PRKN: variants seen among roughly 807,000 people sequenced by gnomAD.
PRKN encodes E3 ubiquitin-protein ligase parkin.
A neutral mutation model predicts 59.5 loss-of-function variants in PRKN; 56 were observed. The observed-to-expected ratio is 0.94, with a 90% confidence interval of 0.76 to 1.18. The LOEUF (loss-of-function observed/expected upper bound fraction) is 1.18, where lower values mean the gene tolerates loss of function less well. Ranked by LOEUF, PRKN falls within the 50% of genes most tolerant of loss-of-function variation. The pLI, the probability that PRKN is intolerant of heterozygous loss-of-function variation, is 0.00. For synonymous variants in PRKN, 250 were observed against 222.1 expected (o/e 1.13, Z -1.12); for missense variants, 657 against 596.4 (o/e 1.10, Z -1.06).
At chr6:162,199,424 C>T (rs1315259490) in intron 4 of PRKN, among the ~76,000 whole-genome samples, 2 of 152,142 alleles carry the variant, frequency 1.3e-5, no homozygotes, top group Non-Finnish European at 1.5e-5. Flanking sequence ...CAGATAATGC[C>T]TGAAAAGAAT....
intron 1 of PRKN, among the ~76,000 whole-genome samples, chr6:162,582,985 T>C (rs1201154871): frequency 6.6e-6 from 1 of 152,178 alleles, no homozygotes; most frequent in African/African-American, 2.4e-5. Context: ...GTAGGACTTT[T>C]AGGAGGAGAT....
rs1475980782 is a variant in PRKN at position 161,554,854 on chromosome 6, A to G, written c.934-5851T>C. On this transcript the variant is annotated intron_variant, in intron 8 of 11. Coordinates refer to ENST00000366898, the MANE Select transcript of PRKN (RefSeq NM_004562.3). This position sits in a 1 kb window ranked among gnomAD's most constrained non-coding sequence, Gnocchi z 4.5. Reference sequence around the variant, plus strand: ...AATATTATGGATAAGCCTGAAAATAATGTTTTTTTCCTTTGTAAATTAATT... The same window carrying G: ...AATATTATGGATAAGCCTGAAAATAGTGTTTTTTTCCTTTGTAAATTAATT... 2.0e-5 allele frequency among the ~76,000 whole-genome samples: 3 copies of G among 151,730 alleles called. No individual in the cohort carries two copies. Among genetic ancestry groups the G allele is most frequent in the Non-Finnish European group, 4.4e-5 (3 of 67,952 alleles).
intron 1 of PRKN, among the ~76,000 whole-genome samples, chr6:162,525,182 G>T (rs1432425267): frequency 6.6e-6 from 1 of 152,046 alleles, no homozygotes; most frequent in African/African-American, 2.4e-5. Flanking sequence ...CTAGCTCTGT[G>T]ACCCTGAGGA....
intron 7 of PRKN, among the ~76,000 whole-genome samples, chr6:161,630,597 C>T (rs906738717): frequency 1.3e-5 from 2 of 152,132 alleles, no homozygotes; most frequent in African/African-American, 4.8e-5. Context: ...CAGTGTGTTG[C>T]CATTTACCAG....
chr6:161,487,495 C>T lies in PRKN; in HGVS notation c.1083+61359G>A, dbSNP rs1174459779. On this transcript the variant is annotated intron_variant, in intron 9 of 11. Coordinates refer to ENST00000366898, the MANE Select transcript of PRKN (RefSeq NM_004562.3). This position sits in a 1 kb window ranked among gnomAD's most constrained non-coding sequence, Gnocchi z 5.3. ...GTTAGTTTGGGTAAAGCTTGAAAAG[C>T]CAGAAAAAGGATTTTAGCCCATGTT... 6.6e-6 allele frequency among the ~76,000 whole-genome samples: 1 copy of T among 152,080 alleles called. No individual in the cohort carries two copies. The highest frequency in any genetic ancestry group is 1.5e-5 in the Non-Finnish European group (1 of 67,998).
At chr6:161,925,865 T>C (rs908170196) in intron 6 of PRKN, among the ~76,000 whole-genome samples, 3 of 152,210 alleles carry the variant, frequency 2.0e-5, no homozygotes, top group African/African-American at 7.2e-5. Flanking sequence ...GGGCAGCTAC[T>C]ATGCTTTACT....
chr6:162,594,223 A>G (rs1430172093), intron 1 of PRKN, among the ~76,000 whole-genome samples: 1 of 152,162 alleles, frequency 6.6e-6, no homozygotes, highest in Non-Finnish European at 1.5e-5. Flanking sequence ...TCATGAAACA[A>G]TTCTGAGAAA....
chr6:162,382,555 C>A (rs6912641), intron 2 of PRKN, among the ~76,000 whole-genome samples: 36,857 of 152,100 alleles, frequency 0.24, 4,503 homozygotes, highest in African/African-American at 0.26. Context: ...AAAATGCTAA[C>A]AATTACCCGA....
chr6:162,338,762 G>C (rs1051899159), intron 2 of PRKN, among the ~76,000 whole-genome samples: 3 of 151,742 alleles, frequency 2.0e-5, no homozygotes, highest in Non-Finnish European at 4.4e-5. Flanking sequence ...AGTCTGGAAA[G>C]TGAGGAGCGT....
intron 5 of PRKN, among the ~76,000 whole-genome samples, chr6:161,974,312 T>C (rs1442258697): frequency 6.6e-6 from 1 of 152,126 alleles, no homozygotes; most frequent in Non-Finnish European, 1.5e-5. Flanking sequence ...CTTTTCTGCC[T>C]GGCATCAACA....
At chr6:161,790,654 G>T (rs1408530195) in intron 6 of PRKN, among the ~76,000 whole-genome samples, 2 of 152,038 alleles carry the variant, frequency 1.3e-5, no homozygotes, top group Non-Finnish European at 2.9e-5. Flanking sequence ...CCAGGAAGTG[G>T]GGATCTCACC....
intron 3 of PRKN, among the ~76,000 whole-genome samples, chr6:162,241,608 T>C (rs1269595701): frequency 6.6e-6 from 1 of 152,128 alleles, no homozygotes; most frequent in Non-Finnish European, 1.5e-5. Context: ...ACTTTAAGTA[T>C]TTCCCTATCC....
intron 2 of PRKN, among the ~76,000 whole-genome samples, chr6:162,282,989 T>G (rs974394828): frequency 6.6e-6 from 1 of 151,250 alleles, no homozygotes; most frequent in Non-Finnish European, 1.5e-5. Context: ...TTTCTTTCTC[T>G]CTCTCTTTTT....
At chr6:161,972,148 C>G (rs1583423484) in intron 6 of PRKN, among the ~76,000 whole-genome samples, 1 of 152,002 alleles carries the variant, frequency 6.6e-6, no homozygotes, top group East Asian at 2.0e-4. Context: ...GTGGCGCATG[C>G]CTGTAATCCC....
chr6:161,813,923 C>G (rs1791662150), intron 6 of PRKN, among the ~76,000 whole-genome samples: 1 of 152,192 alleles, frequency 6.6e-6, no homozygotes, highest in African/African-American at 2.4e-5. Flanking sequence ...ATTAAAGCAT[C>G]TAGAATTATT....
intron 9 of PRKN, among the ~76,000 whole-genome samples, chr6:161,431,648 C>T (rs756012005): frequency 1.7e-4 from 25 of 151,372 alleles, no homozygotes; most frequent in Non-Finnish European, 3.1e-4. Context: ...AGTCTTGCTC[C>T]ATTGCCCAGG....
At chr6:162,658,504 T>C (rs539060979) in intron 1 of PRKN, among the ~76,000 whole-genome samples, 2 of 151,174 alleles carry the variant, frequency 1.3e-5, no homozygotes, top group Admixed American at 1.3e-4. Context: ...TCTACAAATA[T>C]AAAAAAATTA....
intron 1 of PRKN, among the ~76,000 whole-genome samples, chr6:162,476,870 A>G (rs1792048918): frequency 6.6e-6 from 1 of 152,140 alleles, no homozygotes; most frequent in Non-Finnish European, 1.5e-5. Context: ...AGGGAGAGAG[A>G]GTCTTTAATT....
At chr6:161,625,465 C>T (rs143462174) in intron 7 of PRKN, among the ~76,000 whole-genome samples, 3,660 of 151,972 alleles carry the variant, frequency 0.024, 134 homozygotes, top group African/African-American at 0.083. Flanking sequence ...CTAACGTAAA[C>T]GACGAGTTGA....
Sources: gnomAD v4.1 joint callset for allele counts (sites outside exome capture counted in the v4.1 genomes callset) on GRCh38, gnomAD v4.1.1 for gene constraint, Gnocchi (gnomAD v3.1) non-coding constraint, MANE v1.5 for transcripts, NCBI Gene and HGNC (gene_info 2026-07-23, HGNC 2026-07-21) for gene names.